Variants in ABCC9 observed in about 807,000 individuals in gnomAD.
ABCC9 encodes the protein ATP-binding cassette sub-family C member 9.
ABCC9 carries 95 observed loss-of-function variants against 188.3 expected under a neutral mutation model. That is an observed-to-expected ratio of 0.50 (90% confidence interval 0.43 to 0.60). The LOEUF (loss-of-function observed/expected upper bound fraction) is 0.60. ABCC9 is among the 20% of genes least tolerant of loss of function. The pLI, the probability that ABCC9 is intolerant of heterozygous loss-of-function variation, is 0.00. For synonymous variants in ABCC9, 659 were observed against 652.7 expected (o/e 1.01, Z -0.15); for missense variants, 1,102 against 1,876.3 (o/e 0.59, Z 7.62).
intron 14 of ABCC9, 73 bp from the exon 15 acceptor site, chr12:21,888,007 G>T (rs1248681013): frequency 1.8e-6 from 2 of 1,104,708 alleles, no homozygotes; most frequent in Non-Finnish European, 2.8e-6. Context: ...CCTAAATAAC[G>T]ACTTTAACAC....
intron 14 of ABCC9, among the ~76,000 whole-genome samples, chr12:21,888,500 C>T (rs1946991600): frequency 6.6e-6 from 1 of 152,068 alleles, no homozygotes; most frequent in Non-Finnish European, 1.5e-5. Context: ...TCTTGCTGCT[C>T]AAAAGTTTCA....
Position 21,910,317 on chromosome 12 carries a change from C to CAAAAA in ABCC9, c.1165-10_1165-6dup. On this transcript the variant is annotated splice_region_variant and splice_polypyrimidine_tract_variant and intron_variant, in intron 9 of 39. Transcript: ENST00000261200. ...GATTTTATTATAAATCATGGCCTAC[C>CAAAAA]AAAAAAAAAAAAAAGAGTACATAAA... 7.2e-7 allele frequency: 1 copy of CAAAAA among 1,388,120 alleles called. No individual in the cohort carries two copies. The highest frequency in any genetic ancestry group is 9.6e-7 in the Non-Finnish European group (1 of 1,038,128). 86.0% of individuals were successfully genotyped at this position (1,388,120 alleles called of 1,614,324 possible). A position where few individuals can be genotyped will look rare whatever the true frequency, so the allele number is the denominator to read the frequency against.
At position 21,842,481 on chromosome 12, in the gene ABCC9, T is replaced by G. The variant is rs1252281333; in HGVS notation, c.3316-10A>C. On this transcript the variant is annotated splice_polypyrimidine_tract_variant and intron_variant, in intron 28 of 39. Transcript: ENST00000261200. The stretch of plus-strand genomic sequence containing the variant: ...AGGTTGGAGGGATGTGCTATTAGGG[T>G]AGTTTAAAAGGAAAATATGATTAGC... 1 of 1,613,476 alleles carries G rather than the reference T, an allele frequency of 6.2e-7. No individual in the cohort carries two copies. The highest frequency in any genetic ancestry group is 1.3e-5 in the African/African-American group (1 of 74,860).
intron 30 of ABCC9, among the ~76,000 whole-genome samples, chr12:21,836,238 C>G (rs1249068721): frequency 6.6e-6 from 1 of 152,142 alleles, no homozygotes; most frequent in African/African-American, 2.4e-5. Context: ...CTGATCATAT[C>G]ACTTTCCTGC....
At chr12:21,915,280 A>G (rs200948103) in intron 7 of ABCC9, among the ~76,000 whole-genome samples, 11 of 6,404 alleles carry the variant, frequency 1.7e-3, no homozygotes, top group African/African-American at 2.1e-3. Flanking sequence ...GTGTATATAT[A>G]TGTGTGTATA....
intron 31 of ABCC9, among the ~76,000 whole-genome samples, chr12:21,824,701 C>A (rs970170741): frequency 7.2e-5 from 11 of 152,120 alleles, no homozygotes; most frequent in Non-Finnish European, 2.9e-5. Flanking sequence ...GATTCGACTT[C>A]TTCCTAGTTT....
chr12:21,899,981 G>A (rs1037027758), intron 12 of ABCC9, among the ~76,000 whole-genome samples: 1 of 152,210 alleles, frequency 6.6e-6, no homozygotes, highest in South Asian at 2.1e-4. Context: ...CTAGCATGGA[G>A]TTTGGGATCT....
chr12:21,810,411 G>T (rs145325707), intron 36 of ABCC9, among the ~76,000 whole-genome samples: 193 of 152,254 alleles, frequency 1.3e-3, no homozygotes, highest in African/African-American at 4.3e-3. Context: ...GGACATACCC[G>T]AGACTGGGTA....
intron 12 of ABCC9, among the ~76,000 whole-genome samples, chr12:21,900,456 C>G (rs148602636): frequency 1.3e-5 from 2 of 152,180 alleles, no homozygotes; most frequent in African/African-American, 4.8e-5. Flanking sequence ...CAAAGCAGGA[C>G]GGAGAATGAC....
chr12:21,859,297 G>A (rs867513089), intron 22 of ABCC9, among the ~76,000 whole-genome samples: 10 of 151,924 alleles, frequency 6.6e-5, no homozygotes, highest in Middle Eastern at 3.4e-3. Flanking sequence ...ATCCTGCCTC[G>A]TTCATCCAAT....
At position 21,852,445 on chromosome 12, in the gene ABCC9, A is replaced by C; in HGVS notation, c.2566T>G (p.Leu856Val). 1 of 1,613,744 alleles carries C rather than the reference A, an allele frequency of 6.2e-7. No homozygotes were observed. Among genetic ancestry groups the C allele is most frequent in the Non-Finnish European group, 8.5e-7 (1 of 1,179,928 alleles). The change falls in exon 23 of 40, where the codon TTG becomes GTG. Residue 856 changes from leucine to valine, a missense_variant. Physicochemically the swap from Leu to Val is conservative, Grantham distance 32. Transcript: ENST00000261200. ...CTTTTGTCATCTTGCAGGAATTTCA[A>C]AATCCCCTCCTGCATTAAATGATCA... ...LSDHLMQEGI[L>V]KFLQDDKRTL...
intron 30 of ABCC9, among the ~76,000 whole-genome samples, chr12:21,834,021 C>G (rs1943931852): frequency 6.6e-6 from 1 of 152,198 alleles, no homozygotes; most frequent in African/African-American, 2.4e-5. Context: ...TGTCCATGTT[C>G]TGATTTCCAA....
At chr12:21,845,936 G>A (rs958967061) in intron 25 of ABCC9, 104 bp from the exon 26 acceptor site, 1 of 900,462 alleles carries the variant, frequency 1.1e-6, no homozygotes, top group Non-Finnish European at 1.8e-6. Flanking sequence ...TTATAAAAAT[G>A]TAAGCATTAG....
At position 21,827,257 on chromosome 12, in the gene ABCC9, T is replaced by C. The variant is rs185500405; in HGVS notation, c.3669+1701A>G. Reference sequence around the variant, plus strand: ...CTTCTGGCTATGAGAACAGAGCATATGGTTTGCTTGAAGATTCTTGTTCAA... The same window carrying C: ...CTTCTGGCTATGAGAACAGAGCATACGGTTTGCTTGAAGATTCTTGTTCAA... On this transcript the variant is annotated intron_variant, in intron 31 of 39. Coordinates refer to ENST00000261200, the MANE Select transcript of ABCC9 (RefSeq NM_020297.4). 74 of 985,312 alleles carry C rather than the reference T, an allele frequency of 7.5e-5. No homozygotes were observed. The East Asian group carries it at 5.6e-3, about 74-fold the overall frequency. 61.0% of individuals were successfully genotyped at this position (985,312 alleles called of 1,614,324 possible).
At chr12:21,931,820 C>A (rs1289346094) in intron 4 of ABCC9, among the ~76,000 whole-genome samples, 2 of 152,130 alleles carry the variant, frequency 1.3e-5, no homozygotes, top group Admixed American at 1.3e-4. Flanking sequence ...CAGTTACCAA[C>A]AAGATAATAT....
At chr12:21,876,452 T>G (rs1374578554) in intron 16 of ABCC9, among the ~76,000 whole-genome samples, 1 of 152,046 alleles carries the variant, frequency 6.6e-6, no homozygotes, top group Non-Finnish European at 1.5e-5. Context: ...AATCAATGAG[T>G]TTCCTGAACT....
chr12:21,897,419 T>C (rs1465400810), intron 12 of ABCC9, among the ~76,000 whole-genome samples: 1 of 152,224 alleles, frequency 6.6e-6, no homozygotes, highest in African/African-American at 2.4e-5. Flanking sequence ...ATTCTAAGTG[T>C]ATTATTTTCG....
chr12:21,817,777 T>C (rs760912110), intron 32 of ABCC9, among the ~76,000 whole-genome samples: 6 of 152,250 alleles, frequency 3.9e-5, no homozygotes, highest in Non-Finnish European at 7.4e-5. Context: ...TCTACTATTA[T>C]TTGCAAGATG....
At chr12:21,912,273 A>G (rs1201952360) in intron 8 of ABCC9, among the ~76,000 whole-genome samples, 1 of 152,060 alleles carries the variant, frequency 6.6e-6, no homozygotes, top group Non-Finnish European at 1.5e-5. Context: ...GAAAGTAGGA[A>G]GTTCACAATG....
Sources: allele counts gnomAD v4.1 joint callset (sites outside exome capture counted in the v4.1 genomes callset), GRCh38; gene constraint gnomAD v4.1.1; transcripts MANE v1.5; gene names NCBI Gene and HGNC (gene_info 2026-07-23, HGNC 2026-07-21).